The following PAMR1 variants were observed in gnomAD, a reference collection of about 807,000 sequenced individuals.
The protein encoded by PAMR1 is peptidase domain containing associated with muscle regeneration 1.
PAMR1 carries 88 observed loss-of-function variants against 81.8 expected under a neutral mutation model. That is an observed-to-expected ratio of 1.08 (90% CI 0.91 to 1.28). PAMR1 has a LOEUF of 1.28. Among genes scored for constraint, PAMR1 ranks in the 50% most tolerant of loss-of-function variants. The pLI, the probability that PAMR1 is intolerant of heterozygous loss-of-function variation, is 0.00. For missense variants in PAMR1, 935 were observed against 919.7 expected, an observed-to-expected ratio of 1.02 and a Z score of -0.21; for synonymous variants, 336 against 345.3, an observed-to-expected ratio of 0.97 and a Z score of 0.30.
chr11:35,525,942 C>G (rs1851380663), upstream of PAMR1: 1 of 303,130 alleles, frequency 3.3e-6, no homozygotes. Context: ...GGACCCTGGG[C>G]GGGAGCAGAG....
At chr11:35,462,367 T>C (rs569431345) in intron 6 of PAMR1, among the ~76,000 whole-genome samples, 1 of 152,336 alleles carries the variant, frequency 6.6e-6, no homozygotes, top group East Asian at 1.9e-4. Flanking sequence ...TTTACAACAG[T>C]GACACTGGCA....
Position 35,468,082 on chromosome 11 carries a change from C to A in PAMR1, c.739G>T (p.Asp247Tyr). 6.4e-7 allele frequency: 1 copy of A among 1,554,924 alleles called. No individual in the cohort carries two copies. Among genetic ancestry groups the A allele is most frequent in the Middle Eastern group, 1.7e-4 (1 of 5,994 alleles). Residue 247 changes from aspartate (D) to tyrosine (Y), a missense_variant, in exon 6 of 11, where the codon GAC (aspartate) becomes TAC (tyrosine). Asp to Tyr is a radical substitution (Grantham distance 160). Transcript: ENST00000619888. ...GCCTTGTCAAGGACGCACGTGCCGT[C>A]ATGGAAACAAGGGGATGAGGAGCAT... ...TACSSSPCFH[D>Y]GTCVLDKAGS...
intron 3 of PAMR1, among the ~76,000 whole-genome samples, chr11:35,487,282 C>CT (rs1333766915): frequency 1.1e-4 from 17 of 151,980 alleles, no homozygotes. Context: ...AGAAACTCTA[C>CT]TCTCTGACCA....
chr11:35,477,334 T>TA (rs1040058312), intron 3 of PAMR1, among the ~76,000 whole-genome samples: 8 of 152,118 alleles, frequency 5.3e-5, no homozygotes, highest in African/African-American at 1.9e-4. Flanking sequence ...TTAGTCTTCA[T>TA]AAAAAAACAC....
intron 3 of PAMR1, among the ~76,000 whole-genome samples, chr11:35,488,040 T>G (rs888004885): frequency 6.6e-6 from 1 of 152,130 alleles, no homozygotes; most frequent in Admixed American, 6.5e-5. Context: ...CTCCTTTAAC[T>G]CTCACTTTTG....
chr11:35,525,658 G>A (rs1590408414), upstream of PAMR1: 1 of 1,303,198 alleles, frequency 7.7e-7, no homozygotes, highest in Non-Finnish European at 1.1e-6. Context: ...GGGGCAGGCG[G>A]GTTTTACAGG....
chr11:35,493,766 C>G (rs1363313330), intron 2 of PAMR1, among the ~76,000 whole-genome samples: 1 of 152,200 alleles, frequency 6.6e-6, no homozygotes, highest in Non-Finnish European at 1.5e-5. Flanking sequence ...CCATATCCCC[C>G]CAGGCTATAA....
At chr11:35,454,259 G>A (rs972073086) in intron 6 of PAMR1, among the ~76,000 whole-genome samples, 5 of 152,154 alleles carry the variant, frequency 3.3e-5, no homozygotes, top group African/African-American at 1.2e-4. Context: ...CTTGGGCATG[G>A]CCACCACCCT....
intron 3 of PAMR1, among the ~76,000 whole-genome samples, chr11:35,480,849 C>T (rs1365047722): frequency 6.6e-6 from 1 of 152,150 alleles, no homozygotes; most frequent in Non-Finnish European, 1.5e-5. Flanking sequence ...TATTCTCCCT[C>T]CCCTCACTCC....
chr11:35,450,395 A>C (rs1856389415), intron 6 of PAMR1, among the ~76,000 whole-genome samples: 1 of 152,260 alleles, frequency 6.6e-6, no homozygotes, highest in South Asian at 2.1e-4. Flanking sequence ...AATAAGTATA[A>C]AAAAGGGACC....
At chr11:35,437,011 G>A (rs1001569232) in intron 8 of PAMR1, among the ~76,000 whole-genome samples, 14 of 152,290 alleles carry the variant, frequency 9.2e-5, no homozygotes, top group African/African-American at 3.4e-4. Flanking sequence ...CAATTAGCAG[G>A]TGTAATTAGT....
intron 1 of PAMR1, among the ~76,000 whole-genome samples, chr11:35,506,077 CAA>C (rs1315254793): frequency 6.7e-6 from 1 of 149,286 alleles, no homozygotes; most frequent in East Asian, 1.9e-4. Flanking sequence ...ATAGATATAA[CAA>C]ATTATTTTAA....
chr11:35,452,205 G>C (rs1266015857), intron 6 of PAMR1, among the ~76,000 whole-genome samples: 2 of 152,140 alleles, frequency 1.3e-5, no homozygotes, highest in African/African-American at 4.8e-5. Context: ...GAACTGAAAA[G>C]TATAATGGCA....
Position 35,432,322 on chromosome 11 carries a change from C to T in PAMR1, c.*34G>A. ...AATGACACACGTACAGACGGATATA[C>T]AGAAACACTTCTCAAGGAGTGCATG... On this transcript the variant is annotated 3_prime_UTR_variant, in exon 11 of 11. Coordinates refer to ENST00000619888, the MANE Select transcript of PAMR1 (RefSeq NM_001001991.3). The T allele has an allele frequency of 6.3e-7, 1 of 1,577,590 alleles. No homozygotes were observed. The highest frequency in any genetic ancestry group is 8.6e-7 in the Non-Finnish European group (1 of 1,161,626).
intron 3 of PAMR1, among the ~76,000 whole-genome samples, chr11:35,475,919 C>T (rs1374360432): frequency 6.6e-6 from 1 of 152,104 alleles, no homozygotes; most frequent in African/African-American, 2.4e-5. Context: ...TCCAGATTGC[C>T]TTCTTAAACT....
upstream of PAMR1, among the ~76,000 whole-genome samples, chr11:35,528,659 A>G (rs925228695): frequency 6.6e-6 from 1 of 152,202 alleles, no homozygotes; most frequent in African/African-American, 2.4e-5. Flanking sequence ...AAGGAATCTA[A>G]GATGGGTAGG....
At chr11:35,441,342 A>G (rs1856160196) in intron 7 of PAMR1, 139 bp downstream of exon 7, 2 of 678,642 alleles carry the variant, frequency 2.9e-6, no homozygotes, top group Non-Finnish European at 5.2e-6. Flanking sequence ...ATGGTTTCCA[A>G]CCTCAGAGAT....
chr11:35,462,984 G>A (rs1276745374), intron 6 of PAMR1, among the ~76,000 whole-genome samples: 1 of 152,142 alleles, frequency 6.6e-6, no homozygotes, highest in Non-Finnish European at 1.5e-5. Flanking sequence ...ATTTTTAAAT[G>A]CCTCACCCTC....
intron 6 of PAMR1, among the ~76,000 whole-genome samples, chr11:35,447,096 T>C (rs1341559009): frequency 6.6e-6 from 1 of 152,218 alleles, no homozygotes; most frequent in Non-Finnish European, 1.5e-5. Flanking sequence ...TGCCCTTCTT[T>C]ATCTTTTTTG....
Sources: allele counts gnomAD v4.1 joint callset (sites outside exome capture counted in the v4.1 genomes callset), GRCh38; gene constraint gnomAD v4.1.1; transcripts MANE v1.5; gene names NCBI Gene and HGNC (gene_info 2026-07-23, HGNC 2026-07-21).